The following AOPEP variants were observed in gnomAD, a reference collection of about 807,000 sequenced individuals.
The protein encoded by AOPEP is aminopeptidase O.
In AOPEP, 77 loss-of-function variants were observed where a neutral mutation model predicts 98.1. The ratio of observed to expected loss-of-function variants is 0.78; its 90% CI spans 0.65 to 0.95. AOPEP has a LOEUF of 0.95. Among genes scored for constraint, AOPEP ranks in the 40% least tolerant of loss-of-function variants. The pLI, the probability that AOPEP is intolerant of heterozygous loss-of-function variation, is 0.00. For missense variants in AOPEP, 1,024 were observed against 1,024.7 expected (o/e 1.00, Z 0.01); for synonymous variants, 346 against 365.3 (o/e 0.95, Z 0.60).
intron 13 of AOPEP, among the ~76,000 whole-genome samples, chr9:95,030,696 A>G (rs926564400): frequency 1.3e-5 from 2 of 152,184 alleles, no homozygotes; most frequent in Non-Finnish European, 2.9e-5. Context: ...CTCTCTGAAC[A>G]TGAATCAAAC....
chr9:94,875,631 T>C (rs976002737), intron 5 of AOPEP, among the ~76,000 whole-genome samples: 4 of 152,228 alleles, frequency 2.6e-5, no homozygotes, highest in Non-Finnish European at 5.9e-5. Flanking sequence ...CACTCCTCAG[T>C]TACGTTTTCA....
At chr9:94,881,196 A>T (rs2047543487) in intron 5 of AOPEP, among the ~76,000 whole-genome samples, 3 of 151,914 alleles carry the variant, frequency 2.0e-5, no homozygotes, top group Non-Finnish European at 2.9e-5. Flanking sequence ...TCATTCCCTA[A>T]AACCAGCTCA....
At chr9:95,019,810 A>G (rs2063313253) in intron 13 of AOPEP, 1 of 152,276 alleles carries the variant, frequency 6.6e-6, no homozygotes, top group African/African-American at 2.4e-5. Context: ...TTGAGAAAAT[A>G]AAGTCACCAC....
chr9:94,730,171 C>T (rs1564024751), intron 1 of AOPEP, among the ~76,000 whole-genome samples: 1 of 151,882 alleles, frequency 6.6e-6, no homozygotes, highest in East Asian at 1.9e-4. Context: ...ATAGTCCCAG[C>T]TACTCGTGAG....
intron 10 of AOPEP, among the ~76,000 whole-genome samples, chr9:94,973,836 T>C (rs1047315676): frequency 2.6e-5 from 4 of 152,212 alleles, no homozygotes; most frequent in African/African-American, 9.6e-5. Context: ...CCTGGCTAAG[T>C]GGAAATGCTT....
At chr9:94,797,092 G>A (rs1847114451) in intron 4 of AOPEP, among the ~76,000 whole-genome samples, 1 of 152,202 alleles carries the variant, frequency 6.6e-6, no homozygotes, top group African/African-American at 2.4e-5. Context: ...AGGAAGTACA[G>A]CATCTTTGAG....
intron 7 of AOPEP, among the ~76,000 whole-genome samples, chr9:94,944,395 T>A (rs1275143884): frequency 6.6e-6 from 1 of 152,180 alleles, no homozygotes; most frequent in Non-Finnish European, 1.5e-5. Context: ...GGAATATTAA[T>A]CAGCCATAAA....
At chr9:95,081,187 C>T (rs1587956396) in intron 15 of AOPEP, among the ~76,000 whole-genome samples, 1 of 152,350 alleles carries the variant, frequency 6.6e-6, no homozygotes, top group East Asian at 1.9e-4. Context: ...GTACCTGCAC[C>T]TGCCGTGCTG....
At chr9:94,961,617 A>G (rs1453956364) in intron 9 of AOPEP, among the ~76,000 whole-genome samples, 1 of 152,136 alleles carries the variant, frequency 6.6e-6, no homozygotes, top group Admixed American at 6.5e-5. Context: ...TACCTTTGCC[A>G]TGAAATCTCT....
intron 10 of AOPEP, among the ~76,000 whole-genome samples, chr9:94,976,163 C>T (rs2059825805): frequency 6.6e-6 from 1 of 152,230 alleles, no homozygotes; most frequent in African/African-American, 2.4e-5. Context: ...CCCTAATCCA[C>T]AGTCACTCCC....
intron 1 of AOPEP, among the ~76,000 whole-genome samples, chr9:94,752,479 A>G (rs1836048407): frequency 6.6e-6 from 1 of 152,170 alleles, no homozygotes; most frequent in Non-Finnish European, 1.5e-5. Context: ...AAGATATGCC[A>G]GGTTACAGTG....
At chr9:95,096,335 G>A in the AOPEP span, among the ~76,000 whole-genome samples, 1 of 152,190 alleles carries the variant, frequency 6.6e-6, no homozygotes, top group Non-Finnish European at 1.5e-5. Flanking sequence ...CGGGCTGGAT[G>A]TGGAGGTGGG....
intron 7 of AOPEP, among the ~76,000 whole-genome samples, chr9:94,947,196 T>C (rs975743456): frequency 1.1e-4 from 16 of 151,774 alleles, no homozygotes; most frequent in Admixed American, 9.9e-4. Context: ...TTAGCCAGGA[T>C]GGTCTCAATC....
intron 7 of AOPEP, among the ~76,000 whole-genome samples, chr9:94,945,895 G>T (rs2057563374): frequency 6.6e-6 from 1 of 151,830 alleles, no homozygotes; most frequent in South Asian, 2.1e-4. Flanking sequence ...TAATTTTCAG[G>T]TTCTCTGTAT....
chr9:94,816,668 TAGA>T (rs1220490322), intron 5 of AOPEP, among the ~76,000 whole-genome samples: 1 of 152,018 alleles, frequency 6.6e-6, no homozygotes, highest in Non-Finnish European at 1.5e-5. Context: ...ATGGTGGAGC[TAGA>T]AGAAGACTGG....
chr9:94,943,569 A>G (rs1229830931), intron 7 of AOPEP, among the ~76,000 whole-genome samples: 5 of 143,404 alleles, frequency 3.5e-5, no homozygotes, highest in East Asian at 2.1e-4. Flanking sequence ...ACTCCAGCCT[A>G]GGCGACAGAG....
At chr9:94,893,823 A>C (rs2049144060) in intron 5 of AOPEP, among the ~76,000 whole-genome samples, 1 of 152,206 alleles carries the variant, frequency 6.6e-6, no homozygotes, top group South Asian at 2.1e-4. Flanking sequence ...AGAAAGAAAA[A>C]TGTAAAATGT....
chr9:94,775,308 T>G (rs929157780), intron 3 of AOPEP, among the ~76,000 whole-genome samples: 3 of 152,174 alleles, frequency 2.0e-5, no homozygotes, highest in African/African-American at 7.2e-5. Flanking sequence ...TTTTTAAATT[T>G]TGTGATGTCT....
chr9:94,906,455 A>AAATAATAATAAT (rs5741511), intron 5 of AOPEP, among the ~76,000 whole-genome samples: 5,660 of 114,290 alleles, frequency 0.05, 262 homozygotes, highest in African/African-American at 0.12. Flanking sequence ...ACCCTGTCTG[A>AAATAATAATAAT]AATAATAATA....
Sources: allele counts gnomAD v4.1 joint callset (sites outside exome capture counted in the v4.1 genomes callset), GRCh38; gene constraint gnomAD v4.1.1; transcripts MANE v1.5; gene names NCBI Gene and HGNC (gene_info 2026-07-23, HGNC 2026-07-21).